The following FGF13 variants were observed in gnomAD, a reference collection of about 807,000 sequenced individuals.
FGF13 encodes fibroblast growth factor homologous factor 2.
FGF13 carries 2 observed loss-of-function variants against 19.5 expected under a neutral mutation model. The ratio of observed to expected loss-of-function variants is 0.10; its 90% CI spans 0.04 to 0.32. The LOEUF is 0.32. FGF13 is among the 10% of genes least tolerant of loss of function. The pLI, the probability that FGF13 is intolerant of heterozygous loss-of-function variation, is 1.00. For synonymous variants in FGF13, 72 were observed against 76.9 expected, an observed-to-expected ratio of 0.94 and a Z score of 0.33; for missense variants, 113 against 192.7, an observed-to-expected ratio of 0.59 and a Z score of 2.45.
Position 138,631,287 on chromosome X carries a change from G to A in FGF13, c.*1563C>T, listed in dbSNP as rs1488613973. On this transcript the variant is annotated 3_prime_UTR_variant, in exon 5 of 5. Coordinates refer to ENST00000315930, the MANE Select transcript of FGF13 (RefSeq NM_004114.5). ...AGAGAGGAGAGAAATAAGCAACAGA[G>A]AGGGGAAATGACACTGTGAGTGGCA... is the stretch of plus-strand genomic sequence containing the variant. 8.9e-6 allele frequency: 1 copy of A among 112,269 alleles called. No homozygotes were observed. Among genetic ancestry groups the A allele is most frequent in the Non-Finnish European group, 1.9e-5 (1 of 53,309 alleles). 9.3% of individuals were successfully genotyped at this position (112,269 alleles called of 1,213,427 possible). A position where few individuals can be genotyped will look rare whatever the true frequency, so the allele number is the denominator to read the frequency against.
chrX:138,807,515 C>A lies in FGF13; in HGVS notation c.217+49997G>T, dbSNP rs146791154. 8.7e-3 allele frequency among the ~76,000 whole-genome samples: 976 copies of A among 111,834 alleles called. 8 individuals are homozygous for A. Among genetic ancestry groups the A allele is most frequent in the African/African-American group, 0.029 (906 of 30,773 alleles). On this transcript the variant is annotated intron_variant, in intron 3 of 6. Transcript: ENST00000436198. The stretch of plus-strand genomic sequence containing the variant: ...TGCCAAATTGTAAAGACTATCGATG[C>A]TAGGAAGAAACTGCATCAACTAACA...
chrX:138,698,392 C>G (rs1424628483), intron 3 of FGF13, among the ~76,000 whole-genome samples: 1 of 111,607 alleles, frequency 9.0e-6, no homozygotes, highest in East Asian at 2.8e-4. Flanking sequence ...AATAAGAACG[C>G]TCTTCCAGGG....
intron 1 of FGF13, among the ~76,000 whole-genome samples, chrX:138,737,801 G>T (rs1299481743): frequency 8.9e-6 from 1 of 112,164 alleles, no homozygotes; most frequent in Non-Finnish European, 1.9e-5. Flanking sequence ...CCTGAGTAAA[G>T]AGGCATATAG....
intron 1 of FGF13, among the ~76,000 whole-genome samples, chrX:138,871,760 T>C (rs1011300596): frequency 2.7e-5 from 3 of 110,724 alleles, no homozygotes; most frequent in Non-Finnish European, 3.8e-5. Context: ...GGAGTGTGAA[T>C]TGCTGTTTTT....
chrX:138,887,191 T>C (rs1196246763), intron 1 of FGF13, among the ~76,000 whole-genome samples: 1 of 111,848 alleles, frequency 8.9e-6, no homozygotes, highest in East Asian at 2.8e-4. Context: ...TCAGTACAAG[T>C]ATTTACCTCA....
chrX:139,106,310 A>G lies in FGF13; in HGVS notation c.-113+97106T>C, dbSNP rs192453766. ...AACAGAGCCACAGAAAAGTTGGGTG[A>G]CTTACCCAAGGCCATCCAGCTGGGC... On this transcript the variant is annotated intron_variant, in intron 1 of 2. Coordinates refer to the FGF13 transcript ENST00000421460. Among the ~76,000 whole-genome samples the G allele has an allele frequency of 4.5e-4, 51 of 112,862 alleles. No homozygotes were observed. In the East Asian group the frequency reaches 5.3e-3, roughly 12 times the overall value.
intron 3 of FGF13, among the ~76,000 whole-genome samples, chrX:138,787,291 G>T (rs1391904045): frequency 8.9e-6 from 1 of 112,508 alleles, no homozygotes; most frequent in Non-Finnish European, 1.9e-5. Flanking sequence ...GAGAAAGAGT[G>T]CTGCTCCCCA....
At chrX:138,979,706 T>G (rs755783107) in intron 1 of FGF13, among the ~76,000 whole-genome samples, 16 of 110,475 alleles carry the variant, frequency 1.4e-4, no homozygotes, top group African/African-American at 4.9e-4. Flanking sequence ...TGAAAAAGAG[T>G]CCCTGGAGAG....
At chrX:139,070,741 A>G (rs1029638196) in intron 1 of FGF13, among the ~76,000 whole-genome samples, 1 of 112,353 alleles carries the variant, frequency 8.9e-6, no homozygotes, top group African/African-American at 3.2e-5. Context: ...ATGCCCATCA[A>G]TGATAGAGTG....
At chrX:138,650,737 TTCA>T (rs1279511358) in intron 3 of FGF13, among the ~76,000 whole-genome samples, 5 of 111,803 alleles carry the variant, frequency 4.5e-5, no homozygotes, top group Non-Finnish European at 9.4e-5. Context: ...ACCTTAAACA[TTCA>T]TCATTTCTTT....
intron 1 of FGF13, among the ~76,000 whole-genome samples, chrX:139,005,745 CA>C (rs201318240): frequency 9.6e-6 from 1 of 103,694 alleles, no homozygotes; most frequent in East Asian, 3.1e-4. Context: ...TTGAAATAAA[CA>C]AAAAAAAACC....
At chrX:138,656,114 T>C (rs2089434111) in intron 3 of FGF13, among the ~76,000 whole-genome samples, 1 of 111,805 alleles carries the variant, frequency 8.9e-6, no homozygotes, top group Non-Finnish European at 1.9e-5. Flanking sequence ...AGGATAAATG[T>C]TGCAAGTATT....
At chrX:138,969,996 G>A (rs748895084) in intron 1 of FGF13, among the ~76,000 whole-genome samples, 116 of 111,595 alleles carry the variant, frequency 1.0e-3, no homozygotes, top group African/African-American at 9.8e-5. Flanking sequence ...TACACACCCC[G>A]GATGCTATGC....
At chrX:139,185,596 G>A (rs2084276348) in intron 1 of FGF13, among the ~76,000 whole-genome samples, 1 of 111,480 alleles carries the variant, frequency 9.0e-6, no homozygotes, top group Non-Finnish European at 1.9e-5. Flanking sequence ...CCACCAATGG[G>A]CCCCCACTGA....
At chrX:138,876,543 C>T (rs775576135) in intron 1 of FGF13, among the ~76,000 whole-genome samples, 28 of 112,016 alleles carry the variant, frequency 2.5e-4, no homozygotes, top group Non-Finnish European at 4.9e-4. Context: ...TCTAGGAGCT[C>T]GGAATAGGCC....
intron 1 of FGF13, among the ~76,000 whole-genome samples, chrX:139,168,508 A>G (rs2084104552): frequency 1.8e-5 from 2 of 111,970 alleles, no homozygotes; most frequent in East Asian, 5.6e-4. Flanking sequence ...GTTGAAGAAA[A>G]AATACAGTAA....
At chrX:139,086,227 G>C (rs2124444977) in intron 1 of FGF13, among the ~76,000 whole-genome samples, 1 of 111,801 alleles carries the variant, frequency 8.9e-6, no homozygotes, top group African/African-American at 3.2e-5. Context: ...GGTTTCAGAG[G>C]CTGACGTGCT....
intron 1 of FGF13, among the ~76,000 whole-genome samples, chrX:138,948,149 G>T (rs1444915292): frequency 8.9e-6 from 1 of 111,747 alleles, no homozygotes; most frequent in Non-Finnish European, 1.9e-5. Flanking sequence ...CCACACAGAA[G>T]GGGCAGGTGT....
intron 3 of FGF13, among the ~76,000 whole-genome samples, chrX:138,785,619 T>A (rs2090686293): frequency 8.9e-6 from 1 of 111,938 alleles, no homozygotes; most frequent in African/African-American, 3.2e-5. Flanking sequence ...AATCTGTTCT[T>A]CTCTGGGCTT....
Sources: allele counts gnomAD v4.1 joint callset (sites outside exome capture counted in the v4.1 genomes callset), GRCh38; gene constraint gnomAD v4.1.1; transcripts MANE v1.5; gene names NCBI Gene and HGNC (gene_info 2026-07-23, HGNC 2026-07-21).